The following MTCH2 variants were observed in gnomAD, a reference collection of about 807,000 sequenced individuals.
The protein encoded by MTCH2 is mitochondrial carrier 2.
Under a neutral mutation model 50.6 loss-of-function variants are expected in MTCH2, and 25 were observed. The ratio of observed to expected loss-of-function variants is 0.49; its 90% CI spans 0.36 to 0.69. MTCH2 has a LOEUF of 0.69. MTCH2 is among the 30% of genes least tolerant of loss of function. MTCH2 has a pLI of 0.00. For missense variants in MTCH2, 273 were observed against 384.4 expected, an observed-to-expected ratio of 0.71 and a Z score of 2.42; for synonymous variants, 106 against 132.0, an observed-to-expected ratio of 0.80 and a Z score of 1.35.
intron 9 of MTCH2, among the ~76,000 whole-genome samples, chr11:47,628,731 C>G (rs865825860): frequency 6.6e-6 from 1 of 152,140 alleles, no homozygotes; most frequent in Non-Finnish European, 1.5e-5. Context: ...CGCACCACCA[C>G]GCCCAGCTAA....
chr11:47,636,456 G>A (rs940677256), intron 3 of MTCH2, among the ~76,000 whole-genome samples: 1 of 151,216 alleles, frequency 6.6e-6, no homozygotes, highest in African/African-American at 2.4e-5. Context: ...AAGGGGCCGG[G>A]CATGGTGCCT....
At chr11:47,606,663 G>A in the MTCH2 span, among the ~76,000 whole-genome samples, 1 of 151,978 alleles carries the variant, frequency 6.6e-6, no homozygotes, top group African/African-American at 2.4e-5. Context: ...CATTTTTCTG[G>A]GATTATTTAT....
chr11:47,641,739 T>C (rs2097314357), intron 1 of MTCH2, among the ~76,000 whole-genome samples: 1 of 152,192 alleles, frequency 6.6e-6, no homozygotes, highest in Non-Finnish European at 1.5e-5. Context: ...TGATTTTCAT[T>C]GTCAGGAGCC....
chr11:47,634,240 G>C (rs2097306396), intron 5 of MTCH2, among the ~76,000 whole-genome samples: 1 of 152,032 alleles, frequency 6.6e-6, no homozygotes, highest in Non-Finnish European at 1.5e-5. Flanking sequence ...CACACACCTA[G>C]CTAATTTTTC....
At chr11:47,604,567 C>G in the MTCH2 span, among the ~76,000 whole-genome samples, 13 of 152,264 alleles carry the variant, frequency 8.5e-5, no homozygotes, top group African/African-American at 3.1e-4. Context: ...CTTGTAATAG[C>G]AAACAGTTTG....
downstream of MTCH2, among the ~76,000 whole-genome samples, chr11:47,615,937 C>A (rs150477648): frequency 3.9e-5 from 6 of 152,038 alleles, no homozygotes; most frequent in East Asian, 1.2e-3. Flanking sequence ...TTATAATGAT[C>A]CCCCAAAGTT....
intron 5 of MTCH2, among the ~76,000 whole-genome samples, 200 bp downstream of exon 5, chr11:47,634,472 G>A (rs1317705377): frequency 1.3e-5 from 2 of 152,130 alleles, no homozygotes; most frequent in Non-Finnish European, 2.9e-5. Context: ...GAGTTTTCTT[G>A]AAATGCATCT....
chr11:47,635,683 G>GTT, intron 3 of MTCH2, 112 bp from the exon 4 acceptor site: 50 of 967,442 alleles, frequency 5.2e-5, no homozygotes, highest in South Asian at 6.6e-5. Context: ...TTTTTTTAAA[G>GTT]TTTTTGTTTT....
chr11:47,623,743 G>T (rs1283447045), intron 11 of MTCH2, among the ~76,000 whole-genome samples: 2 of 152,158 alleles, frequency 1.3e-5, no homozygotes, highest in Non-Finnish European at 2.9e-5. Context: ...TATGGGAAAA[G>T]AATTTTGAAT....
At position 47,635,638 on chromosome 11, in the gene MTCH2, A is replaced by C. The variant is rs1461288318; in HGVS notation, c.280-67T>G. 2.0e-6 allele frequency: 3 copies of C among 1,475,886 alleles called. No homozygotes were observed. In the African/African-American group the frequency reaches 4.2e-5, roughly 21 times the overall value. 91.4% of individuals were successfully genotyped at this position (1,475,886 alleles called of 1,614,324 possible). ...GTCATGTGAAAGAAGACATAAAATG[A>C]AAACTCTACTGACAGAAAGTAAATT... On this transcript the variant is annotated intron_variant, in intron 3 of 12. Coordinates refer to ENST00000302503, the MANE Select transcript of MTCH2 (RefSeq NM_014342.4).
At chr11:47,613,477 G>C (rs989983696), downstream of MTCH2, among the ~76,000 whole-genome samples, 2 of 152,164 alleles carry the variant, frequency 1.3e-5, no homozygotes, top group East Asian at 3.8e-4. Context: ...CTGACACATA[G>C]ATCAGTTTCA....
At position 47,635,650 on chromosome 11, in the gene MTCH2, A is replaced by C. The variant is rs1433670855; in HGVS notation, c.280-79T>G. On this transcript the variant is annotated intron_variant, in intron 3 of 12. Coordinates refer to ENST00000302503, the MANE Select transcript of MTCH2 (RefSeq NM_014342.4). ...AAGACATAAAATGAAAACTCTACTG[A>C]CAGAAAGTAAATTAGCTGAAGTTTT... 2.2e-6 allele frequency: 3 copies of C among 1,385,830 alleles called. No homozygotes were observed. The East Asian group carries it at 6.9e-5, about 32-fold the overall frequency. 85.8% of individuals were successfully genotyped at this position (1,385,830 alleles called of 1,614,324 possible).
downstream of MTCH2, among the ~76,000 whole-genome samples, chr11:47,615,384 G>T (rs886360163): frequency 3.3e-5 from 5 of 152,222 alleles, no homozygotes; most frequent in African/African-American, 1.2e-4. Context: ...TTGTCAGTTA[G>T]TTTGTACTAT....
intron 11 of MTCH2, among the ~76,000 whole-genome samples, chr11:47,625,148 T>C (rs1049779090): frequency 6.6e-6 from 1 of 151,956 alleles, no homozygotes; most frequent in Admixed American, 6.6e-5. Context: ...TGGCCTGGCA[T>C]GGTGGTTCAT....
chr11:47,608,822 GTGGTGGGCACCTGTAGTCCCAGCTACT>G, the MTCH2 span, among the ~76,000 whole-genome samples: 75 of 152,072 alleles, frequency 4.9e-4, no homozygotes, highest in Non-Finnish European at 7.6e-4. Context: ...GCCGGGCGTG[GTGGTGGGCACCTGTAGTCCCAGCTACT>G]TGGGAGGCTG....
intron 5 of MTCH2, among the ~76,000 whole-genome samples, chr11:47,634,207 C>G (rs1181750992): frequency 6.6e-6 from 1 of 152,134 alleles, no homozygotes; most frequent in Non-Finnish European, 1.5e-5. Context: ...TCTCGAGTAC[C>G]TGGGACTACA....
At chr11:47,616,366 CTTTTTTT>C (rs762038724), downstream of MTCH2, among the ~76,000 whole-genome samples, 2 of 151,762 alleles carry the variant, frequency 1.3e-5, no homozygotes, top group African/African-American at 4.8e-5. Flanking sequence ...TTTTCTTTTT[CTTTTTTT>C]TAAGAGACAG....
chr11:47,633,524 ATATT>A (rs1234594069), intron 5 of MTCH2, among the ~76,000 whole-genome samples: 2 of 55,308 alleles, frequency 3.6e-5, no homozygotes, highest in African/African-American at 9.0e-5. Flanking sequence ...ATATATATAT[ATATT>A]TTTTTTTTTT....
Position 47,630,618 on chromosome 11 carries a change from C to G in MTCH2, c.480-4G>C, listed in dbSNP as rs764140405. On this transcript the variant is annotated splice_polypyrimidine_tract_variant and splice_region_variant and intron_variant, in intron 7 of 12. Transcript: ENST00000302503. ...TATTATGGAATCACAAAGTCCACTA[C>G]GTACACAAGAAGAAAAGGTAAAATA... 1.2e-6 allele frequency: 2 copies of G among 1,607,248 alleles called. No homozygotes were observed. The highest frequency in any genetic ancestry group is 2.2e-5 in the East Asian group (1 of 44,824).
Sources: gnomAD v4.1 joint callset for allele counts (sites outside exome capture counted in the v4.1 genomes callset) on GRCh38, gnomAD v4.1.1 for gene constraint, MANE v1.5 for transcripts, NCBI Gene and HGNC (gene_info 2026-07-23, HGNC 2026-07-21) for gene names.